ITFG1: variants seen among roughly 807,000 people sequenced by gnomAD.
ITFG1 encodes T-cell immunomodulatory protein.
A neutral mutation model predicts 81.8 loss-of-function variants in ITFG1; 34 were observed. The ratio of observed to expected loss-of-function variants is 0.42; its 90% CI spans 0.32 to 0.55. The LOEUF (loss-of-function observed/expected upper bound fraction) is 0.55, where lower values mean the gene tolerates loss of function less well. ITFG1 is among the 20% of genes least tolerant of loss of function. The probability of loss-of-function intolerance (pLI) is 0.17; values close to 1 mark genes in which losing one functional copy is unlikely to be tolerated. For synonymous variants in ITFG1, 285 were observed against 270.6 expected (o/e 1.05, Z -0.52); for missense variants, 672 against 755.4 (o/e 0.89, Z 1.29).
chr16:47,443,520 T>G (rs981847429), intron 5 of ITFG1, among the ~76,000 whole-genome samples: 3 of 152,030 alleles, frequency 2.0e-5, no homozygotes, highest in African/African-American at 7.3e-5. Context: ...AATGATAGAC[T>G]GGATTAAGAA....
intron 8 of ITFG1, among the ~76,000 whole-genome samples, chr16:47,349,739 C>G (rs188808417): frequency 3.9e-5 from 6 of 152,328 alleles, no homozygotes; most frequent in Non-Finnish European, 8.8e-5. Context: ...CTCTCTACCC[C>G]AAATCAACAG....
intron 13 of ITFG1, among the ~76,000 whole-genome samples, chr16:47,236,757 A>G (rs577793414): frequency 6.6e-6 from 1 of 152,284 alleles, no homozygotes; most frequent in African/African-American, 2.4e-5. Flanking sequence ...ACAGTGATAT[A>G]AAAGTATATG....
intron 8 of ITFG1, among the ~76,000 whole-genome samples, chr16:47,347,571 C>T (rs1013395590): frequency 6.6e-6 from 1 of 152,004 alleles, no homozygotes; most frequent in African/African-American, 2.4e-5. Context: ...TGGAGCCCAC[C>T]ACAGCTCAAG....
chr16:47,420,687 C>G (rs1968935056), intron 6 of ITFG1, among the ~76,000 whole-genome samples: 1 of 152,162 alleles, frequency 6.6e-6, no homozygotes, highest in African/African-American at 2.4e-5. Flanking sequence ...CTATTTTTTG[C>G]TACATGATCT....
chr16:47,450,704 G>C (rs1450999406), intron 5 of ITFG1, among the ~76,000 whole-genome samples: 1 of 152,062 alleles, frequency 6.6e-6, no homozygotes, highest in East Asian at 1.9e-4. Context: ...CTGTACTCTT[G>C]AACTAAACTT....
At chr16:47,197,253 G>C (rs1304674251) in intron 14 of ITFG1, among the ~76,000 whole-genome samples, 1 of 152,148 alleles carries the variant, frequency 6.6e-6, no homozygotes, top group Non-Finnish European at 1.5e-5. Context: ...AAAACAGTTA[G>C]TTACCTTCTA....
At chr16:47,172,322 T>C (rs1964972720) in intron 14 of ITFG1, among the ~76,000 whole-genome samples, 1 of 152,096 alleles carries the variant, frequency 6.6e-6, no homozygotes, top group Non-Finnish European at 1.5e-5. Flanking sequence ...CTGTCTCTAC[T>C]AAAAGGTACA....
intron 6 of ITFG1, among the ~76,000 whole-genome samples, chr16:47,419,434 A>C (rs1038128113): frequency 5.3e-5 from 8 of 151,740 alleles, no homozygotes; most frequent in African/African-American, 1.9e-4. Flanking sequence ...AAGTCCAGCT[A>C]ATTTTTTAGT....
chr16:47,374,300 C>T lies in ITFG1; in HGVS notation c.720+1576G>A, dbSNP rs149253265. 2.7e-3 allele frequency among the ~76,000 whole-genome samples: 410 copies of T among 152,202 alleles called. 2 individuals are homozygous for T. The highest frequency in any genetic ancestry group is 3.1e-3 in the Non-Finnish European group (214 of 67,996). ...CTTTATAAGAAGAAAAACCCTTAGT[C>T]CCCATTTTCTAACAGTGAATTTATT... On this transcript the variant is annotated intron_variant, in intron 7 of 17. Coordinates refer to ENST00000320640, the MANE Select transcript of ITFG1 (RefSeq NM_030790.5).
intron 1 of ITFG1, among the ~76,000 whole-genome samples, chr16:47,459,464 T>A (rs1441271839): frequency 6.6e-6 from 1 of 152,224 alleles, no homozygotes; most frequent in Admixed American, 6.5e-5. Context: ...ATTGGTTGAC[T>A]TAAAAGAACC....
At chr16:47,271,871 A>C (rs1442296160) in intron 10 of ITFG1, among the ~76,000 whole-genome samples, 2 of 152,040 alleles carry the variant, frequency 1.3e-5, no homozygotes, top group African/African-American at 4.8e-5. Flanking sequence ...AAACAAACAA[A>C]CAACAAAAAC....
chr16:47,185,432 A>G (rs374611869), intron 14 of ITFG1, among the ~76,000 whole-genome samples: 12 of 152,368 alleles, frequency 7.9e-5, no homozygotes, highest in East Asian at 7.7e-4. Flanking sequence ...AAGTGCAATC[A>G]AACTAGAACT....
chr16:47,260,074 G>A (rs1966190393), intron 11 of ITFG1, among the ~76,000 whole-genome samples: 1 of 151,972 alleles, frequency 6.6e-6, no homozygotes, highest in Admixed American at 6.6e-5. Flanking sequence ...CAGCAGCTGG[G>A]ACTACAGGCA....
chr16:47,448,603 A>AT (rs1969350139), intron 5 of ITFG1: 5 of 146,100 alleles, frequency 3.4e-5, no homozygotes, highest in African/African-American at 1.4e-4. Flanking sequence ...TGAGTCAGAA[A>AT]ATTTTTTTTT....
At chr16:47,221,681 T>A (rs530695325) in intron 13 of ITFG1, among the ~76,000 whole-genome samples, 3 of 152,360 alleles carry the variant, frequency 2.0e-5, no homozygotes, top group African/African-American at 7.2e-5. Context: ...CTTGTACCTC[T>A]GGTAGAATTC....
chr16:47,451,815 T>C (rs889955849), intron 4 of ITFG1, among the ~76,000 whole-genome samples: 11 of 152,184 alleles, frequency 7.2e-5, no homozygotes, highest in South Asian at 2.1e-4. Flanking sequence ...ACTGGACATA[T>C]AGTAAGAGCA....
intron 14 of ITFG1, among the ~76,000 whole-genome samples, chr16:47,188,520 A>C (rs1965253081): frequency 6.7e-6 from 1 of 149,620 alleles, no homozygotes; most frequent in African/African-American, 2.5e-5. Flanking sequence ...AGAACAAAAA[A>C]CCAAACACCG....
At chr16:47,328,260 G>C (rs567344484) in intron 8 of ITFG1, among the ~76,000 whole-genome samples, 4 of 152,030 alleles carry the variant, frequency 2.6e-5, no homozygotes, top group African/African-American at 9.7e-5. Flanking sequence ...TCATAGGTGG[G>C]AACTGAACAA....
Position 47,208,382 on chromosome 16 carries a change from C to T in ITFG1, c.1453+10486G>A, listed in dbSNP as rs143548316. ...TATAAGAACTTTAAGGTGTTTGGTACGCTAAAAGTACTCATTAAGTGTAAG... is the reference window on the plus strand; with the variant it reads ...TATAAGAACTTTAAGGTGTTTGGTATGCTAAAAGTACTCATTAAGTGTAAG... On this transcript the variant is annotated intron_variant, in intron 14 of 17. Transcript: ENST00000320640. Among the ~76,000 whole-genome samples, 35 of 152,212 alleles carry T rather than the reference C, an allele frequency of 2.3e-4. No individual in the cohort carries two copies. The East Asian group carries it at 6.0e-3, about 26-fold the overall frequency.
Sources: gnomAD v4.1 joint callset for allele counts (sites outside exome capture counted in the v4.1 genomes callset) on GRCh38, gnomAD v4.1.1 for gene constraint, MANE v1.5 for transcripts, NCBI Gene and HGNC (gene_info 2026-07-23, HGNC 2026-07-21) for gene names.